SMG6: variants seen among roughly 807,000 people sequenced by gnomAD.
SMG6 encodes telomerase-binding protein EST1A.
Under a neutral mutation model 142.2 loss-of-function variants are expected in SMG6, and 66 were observed. That is an observed-to-expected ratio of 0.46 (90% CI 0.38 to 0.57). SMG6 has a LOEUF of 0.57. Among genes scored for constraint, SMG6 ranks in the 20% least tolerant of loss-of-function variants. The pLI is 0.00. For missense variants in SMG6, 1,793 were observed against 1,832.0 expected (o/e 0.98, Z 0.39); for synonymous variants, 779 against 702.4 (o/e 1.11, Z -1.72).
At chr17:2,160,858 A>G (rs988262641) in intron 13 of SMG6, among the ~76,000 whole-genome samples, 2 of 151,952 alleles carry the variant, frequency 1.3e-5, no homozygotes, top group East Asian at 3.9e-4. Context: ...AAAAGTAAAT[A>G]TAATTATGAA....
chr17:2,166,787 CTG>C (rs1346196257), intron 13 of SMG6, among the ~76,000 whole-genome samples: 2 of 152,070 alleles, frequency 1.3e-5, no homozygotes, highest in Non-Finnish European at 2.9e-5. Context: ...ATTATAGACT[CTG>C]TGAAGTATGC....
chr17:2,275,409 G>A (rs1309759574), intron 8 of SMG6, among the ~76,000 whole-genome samples: 5 of 152,140 alleles, frequency 3.3e-5, no homozygotes, highest in South Asian at 2.1e-4. Flanking sequence ...GAGACAGAGC[G>A]AGACTCTGTC....
chr17:2,132,884 G>C (rs941511598), intron 13 of SMG6, among the ~76,000 whole-genome samples: 3 of 152,202 alleles, frequency 2.0e-5, no homozygotes, highest in Non-Finnish European at 4.4e-5. Flanking sequence ...CCAGGCTCAA[G>C]CAATGTCCCT....
At chr17:2,260,540 T>C (rs1419155718) in intron 8 of SMG6, among the ~76,000 whole-genome samples, 7 of 152,210 alleles carry the variant, frequency 4.6e-5, no homozygotes, top group Non-Finnish European at 7.3e-5. Flanking sequence ...TTCTTTATCT[T>C]CCAAATTCTC....
intron 13 of SMG6, among the ~76,000 whole-genome samples, chr17:2,132,507 A>C (rs557317031): frequency 3.3e-5 from 5 of 152,176 alleles, no homozygotes; most frequent in Non-Finnish European, 5.9e-5. Flanking sequence ...GCTACAACTC[A>C]TAAGAGTACC....
intron 8 of SMG6, among the ~76,000 whole-genome samples, chr17:2,253,961 T>C (rs1277571458): frequency 6.6e-6 from 1 of 152,192 alleles, no homozygotes; most frequent in Non-Finnish European, 1.5e-5. Context: ...TCCCAAAACA[T>C]CCCTATCAAA....
chr17:2,198,950 T>TTAAA (rs1433185067), intron 10 of SMG6, among the ~76,000 whole-genome samples: 1 of 102,152 alleles, frequency 9.8e-6, no homozygotes, highest in Admixed American at 1.1e-4. Flanking sequence ...AAAATAAAAT[T>TTAAA]AAAAAAAAAA....
chr17:2,196,807 C>A (rs1394696774), intron 10 of SMG6, among the ~76,000 whole-genome samples: 1 of 152,154 alleles, frequency 6.6e-6, no homozygotes, highest in Non-Finnish European at 1.5e-5. Context: ...CAAGGCAGGA[C>A]TGCTTGAGAT....
intron 13 of SMG6, chr17:2,087,754 A>T: frequency 1.0e-6 from 1 of 986,226 alleles, no homozygotes; most frequent in Non-Finnish European, 1.2e-6. Context: ...CAGAGCCGAA[A>T]TGAGTAATAG....
intron 13 of SMG6, among the ~76,000 whole-genome samples, chr17:2,091,681 T>C (rs2068719647): frequency 6.7e-6 from 1 of 149,808 alleles, no homozygotes; most frequent in African/African-American, 2.5e-5. Flanking sequence ...TGCTTTTTTT[T>C]TTTTTTTGAG....
At chr17:2,153,569 G>A (rs182356289) in intron 13 of SMG6, among the ~76,000 whole-genome samples, 3 of 152,264 alleles carry the variant, frequency 2.0e-5, no homozygotes, top group Non-Finnish European at 2.9e-5. Flanking sequence ...GCCACTCCAC[G>A]CGGTGACTGG....
chr17:2,103,149 GC>G (rs2069058587), intron 13 of SMG6, among the ~76,000 whole-genome samples: 1 of 152,198 alleles, frequency 6.6e-6, no homozygotes, highest in African/African-American at 2.4e-5. Flanking sequence ...TTGGGTGAAT[GC>G]CCAGAATTGG....
intron 9 of SMG6, 35 bp from the exon 10 acceptor site, chr17:2,236,672 C>G: frequency 6.3e-7 from 1 of 1,589,156 alleles, no homozygotes; most frequent in Non-Finnish European, 8.6e-7. Context: ...TGAGGCACCT[C>G]TCTCTTTCAG....
At chr17:2,188,330 G>T (rs2151692058) in intron 11 of SMG6, 69 bp downstream of exon 11, 1 of 1,243,642 alleles carries the variant, frequency 8.0e-7, no homozygotes, top group Non-Finnish European at 1.2e-6. Flanking sequence ...AAAACAGCAT[G>T]GCACTGTGAG....
chr17:2,283,699 T>C lies in SMG6; in HGVS notation c.2374A>G (p.Ser792Gly). 2 of 1,614,122 alleles carry C rather than the reference T, an allele frequency of 1.2e-6. No individual in the cohort carries two copies. Among genetic ancestry groups the C allele is most frequent in the Non-Finnish European group, 8.5e-7 (1 of 1,180,030 alleles). Residue 792 changes from serine to glycine, a missense_variant, in exon 7 of 19, where the codon AGT becomes GGT. Ser to Gly is a moderately conservative substitution (Grantham distance 56, BLOSUM62 0). This residue lies in a region of SMG6 where 1,597 missense variants were observed against 1,584.6 expected (regional missense o/e 1.01). Transcript: ENST00000263073. Reference protein sequence around the residue: ...KLDAVYYYMRSLAASNPILTA... With the variant: ...KLDAVYYYMRGLAASNPILTA... ...AGGATAGGGTTGCTGGCAGCTAAAC[T>C]GCGCATATAGTAATAGACAGCGTCA...
At chr17:2,081,789 C>T (rs186232515) in intron 15 of SMG6, 21 bp downstream of exon 15, 105 of 1,611,324 alleles carry the variant, frequency 6.5e-5, no homozygotes, top group Middle Eastern at 5.0e-4. Context: ...GTGGGAACCA[C>T]GCTCCCCAGG....
chr17:2,242,434 G>A (rs1207549857), intron 9 of SMG6, among the ~76,000 whole-genome samples: 1 of 148,384 alleles, frequency 6.7e-6, no homozygotes, highest in Non-Finnish European at 1.5e-5. Flanking sequence ...GGAGGCTGAG[G>A]CAGAAGAATG....
intron 13 of SMG6, among the ~76,000 whole-genome samples, chr17:2,128,529 G>A (rs532911253): frequency 6.6e-6 from 1 of 152,230 alleles, no homozygotes; most frequent in African/African-American, 2.4e-5. Flanking sequence ...GCCTTATGCT[G>A]TATTCTGTAT....
At chr17:2,264,356 G>A (rs1453657139) in intron 8 of SMG6, among the ~76,000 whole-genome samples, 1 of 152,156 alleles carries the variant, frequency 6.6e-6, no homozygotes, top group African/African-American at 2.4e-5. Flanking sequence ...GCTTAAGTCG[G>A]GATATCAGGT....
Sources: allele counts gnomAD v4.1 joint callset (sites outside exome capture counted in the v4.1 genomes callset), GRCh38; gene constraint gnomAD v4.1.1; regional missense constraint gnomAD v4.1.1; transcripts MANE v1.5; gene names NCBI Gene and HGNC (gene_info 2026-07-23, HGNC 2026-07-21).